Variants in TXNDC11 observed in about 807,000 individuals in gnomAD.
The protein encoded by TXNDC11 is thioredoxin domain-containing protein 11.
Under a neutral mutation model 78.0 loss-of-function variants are expected in TXNDC11, and 68 were observed. The ratio of observed to expected loss-of-function variants is 0.87; its 90% CI spans 0.72 to 1.07. TXNDC11 has a LOEUF of 1.07. Among genes scored for constraint, TXNDC11 ranks in the 50% least tolerant of loss-of-function variants. The pLI is 0.00. For missense variants in TXNDC11, 1,389 were observed against 1,221.8 expected, an observed-to-expected ratio of 1.14 and a Z score of -2.04; for synonymous variants, 571 against 495.2, an observed-to-expected ratio of 1.15 and a Z score of -2.03.
chr16:11,714,973 G>A (rs547097402), intron 5 of TXNDC11, among the ~76,000 whole-genome samples: 9 of 152,266 alleles, frequency 5.9e-5, no homozygotes, highest in Non-Finnish European at 8.8e-5. Flanking sequence ...TAGTGTGGCC[G>A]GGCGTGGTGG....
At chr16:11,727,204 CTTTT>C (rs909343817) in intron 4 of TXNDC11, among the ~76,000 whole-genome samples, 3 of 150,178 alleles carry the variant, frequency 2.0e-5, no homozygotes, top group African/African-American at 2.4e-5. Context: ...AATTTTTTTT[CTTTT>C]TTTTTCCTTC....
chr16:11,694,234 C>A (rs185762914), intron 7 of TXNDC11, among the ~76,000 whole-genome samples: 207 of 151,826 alleles, frequency 1.4e-3, no homozygotes, highest in African/African-American at 4.8e-3. Flanking sequence ...CTTAGCCTCC[C>A]AGGTAGCTGG....
At chr16:11,742,225 C>A (rs1173835902) in intron 1 of TXNDC11, 4 of 424,096 alleles carry the variant, frequency 9.4e-6, no homozygotes, top group Middle Eastern at 6.1e-4. Flanking sequence ...CCCCGACCCG[C>A]CTCCCTCGGC....
intron 8 of TXNDC11, among the ~76,000 whole-genome samples, chr16:11,690,449 C>T (rs2050679868): frequency 1.3e-5 from 2 of 152,226 alleles, no homozygotes; most frequent in African/African-American, 4.8e-5. Context: ...TTACTCAGTA[C>T]ATTATGAAAC....
At chr16:11,696,268 G>C (rs534683341) in intron 7 of TXNDC11, among the ~76,000 whole-genome samples, 4 of 152,044 alleles carry the variant, frequency 2.6e-5, no homozygotes, top group Non-Finnish European at 4.4e-5. Flanking sequence ...CAAGATCCTG[G>C]CTGCCCCTAC....
intron 5 of TXNDC11, among the ~76,000 whole-genome samples, chr16:11,707,586 T>A (rs895914232): frequency 6.6e-6 from 1 of 151,720 alleles, no homozygotes; most frequent in South Asian, 2.1e-4. Context: ...GTAGCTAGGA[T>A]TGCAGGCGTG....
chr16:11,696,238 G>GT (rs1472718163), intron 7 of TXNDC11, among the ~76,000 whole-genome samples: 1 of 151,912 alleles, frequency 6.6e-6, no homozygotes, highest in Non-Finnish European at 1.5e-5. Context: ...CCTCCTTCCC[G>GT]TAAGTTTTTC....
intron 5 of TXNDC11, among the ~76,000 whole-genome samples, chr16:11,701,603 T>C (rs1394511800): frequency 2.6e-5 from 4 of 151,858 alleles, no homozygotes; most frequent in African/African-American, 7.3e-5. Context: ...ACAAGGAAAA[T>C]TGTTAACATG....
intron 4 of TXNDC11, among the ~76,000 whole-genome samples, chr16:11,725,704 G>A (rs1324598320): frequency 6.6e-6 from 1 of 152,152 alleles, no homozygotes; most frequent in Non-Finnish European, 1.5e-5. Context: ...AAACTGAAGA[G>A]CACTTCACCA....
intron 3 of TXNDC11, 48 bp downstream of exon 3, chr16:11,733,934 A>T: frequency 1.5e-6 from 2 of 1,374,294 alleles, no homozygotes; most frequent in Non-Finnish European, 2.1e-6. Flanking sequence ...TCATTTATAA[A>T]CTGGCAAACT....
At chr16:11,697,791 C>A (rs1213513228) in intron 7 of TXNDC11, among the ~76,000 whole-genome samples, 1 of 152,214 alleles carries the variant, frequency 6.6e-6, no homozygotes. Context: ...CCCTGTTTCA[C>A]CCCCTAAACA....
chr16:11,711,211 G>T lies in TXNDC11; in HGVS notation c.793+10366C>A, dbSNP rs547400934. Among the ~76,000 whole-genome samples the T allele has an allele frequency of 1.6e-3, 239 of 152,346 alleles. 2 individuals are homozygous for T. The highest frequency in any genetic ancestry group is 3.4e-3 in the Middle Eastern group (1 of 294). On this transcript the variant is annotated intron_variant, in intron 5 of 11. Transcript: ENST00000283033. ...TGCACCTCAGTAGAGCAGAGGAGCT[G>T]CAGAGAAAACAGAGTAAGGGTGGAG...
rs1330443411 is a variant in TXNDC11, at chr16:11,679,980, T to C, written c.2235-143A>G. The C allele has an allele frequency of 1.3e-6, 1 of 745,816 alleles. No individual in the cohort carries two copies. The highest frequency in any genetic ancestry group is 1.8e-5 in the African/African-American group (1 of 56,448). The allele number at this position is 745,816 out of a possible 1,614,324, so 46.2% of individuals were successfully genotyped here. ...TTTTACTTACTGAAAGTAAGGAAAA[T>C]GTTGCCTGGGCAAGAAATTCTCTAC... On this transcript the variant is annotated intron_variant, in intron 11 of 11. Transcript: ENST00000283033. This position sits in a 1 kb window ranked among gnomAD's most constrained non-coding sequence, Gnocchi z 4.6.
chr16:11,700,572 A>AGAAAATTTTTCTTTAATAAAG lies in TXNDC11; in HGVS notation c.794-9_794-8insCTTTATTAAAGAAAAATTTTC. 2.0e-6 allele frequency: 3 copies of AGAAAATTTTTCTTTAATAAAG among 1,497,034 alleles called. No individual in the cohort carries two copies. The highest frequency in any genetic ancestry group is 2.8e-6 in the Non-Finnish European group (3 of 1,079,810). 92.7% of individuals were successfully genotyped at this position (1,497,034 alleles called of 1,614,324 possible). Reference sequence around the variant, plus strand: ...GTACTGTTCCTAGGTAATCTGAAACAGAAAATTTTCCTTTATTAAAGAAAA... The same window carrying AGAAAATTTTTCTTTAATAAAG: ...GTACTGTTCCTAGGTAATCTGAAACAGAAAATTTTTCTTTAATAAAGGAAAATTTTCCTTTATTAAAGAAAA... On this transcript the variant is annotated splice_polypyrimidine_tract_variant and intron_variant, in intron 5 of 11. Coordinates refer to ENST00000283033, the MANE Select transcript of TXNDC11 (RefSeq NM_015914.7).
chr16:11,721,186 T>A (rs2051694043), intron 5 of TXNDC11: 1 of 169,470 alleles, frequency 5.9e-6, no homozygotes, highest in Admixed American at 6.1e-5. Context: ...ATGCCTGTAA[T>A]CCCAGCACTT....
At chr16:11,739,996 C>A (rs1208358358) in intron 1 of TXNDC11, among the ~76,000 whole-genome samples, 2 of 151,974 alleles carry the variant, frequency 1.3e-5, no homozygotes, top group Non-Finnish European at 2.9e-5. Context: ...AGTTCGAGAC[C>A]AGCCTGGTCA....
intron 8 of TXNDC11, 45 bp downstream of exon 8, chr16:11,691,245 C>A: frequency 1.3e-6 from 2 of 1,527,326 alleles, no homozygotes; most frequent in South Asian, 2.5e-5. Context: ...CATATGAAGT[C>A]AAGCAAAATG....
intron 5 of TXNDC11, among the ~76,000 whole-genome samples, chr16:11,718,708 G>T (rs1304001663): frequency 1.3e-5 from 2 of 151,984 alleles, no homozygotes; most frequent in Non-Finnish European, 2.9e-5. Flanking sequence ...GGGGTGAAAA[G>T]GATTAATTAG....
chr16:11,683,463 C>T (rs1206548680), intron 11 of TXNDC11, among the ~76,000 whole-genome samples: 1 of 152,188 alleles, frequency 6.6e-6, no homozygotes, highest in Non-Finnish European at 1.5e-5. Context: ...TGCTGGGAGG[C>T]CAACTGAGAG....
Sources: allele counts gnomAD v4.1 joint callset (sites outside exome capture counted in the v4.1 genomes callset), GRCh38; gene constraint gnomAD v4.1.1; non-coding constraint Gnocchi (gnomAD v3.1); transcripts MANE v1.5; gene names NCBI Gene and HGNC (gene_info 2026-07-23, HGNC 2026-07-21).